Variants in TIAM2 observed in about 807,000 individuals in gnomAD.
TIAM2 encodes the protein rho guanine nucleotide exchange factor TIAM2.
A neutral mutation model predicts 152.9 loss-of-function variants in TIAM2; 80 were observed. The observed-to-expected ratio is 0.52, with a 90% CI of 0.44 to 0.63. The LOEUF (loss-of-function observed/expected upper bound fraction) is 0.63. TIAM2 is among the 30% of genes least tolerant of loss of function. TIAM2 has a pLI of 0.00. For synonymous variants in TIAM2, 804 were observed against 838.0 expected, an observed-to-expected ratio of 0.96 and a Z score of 0.70; for missense variants, 1,965 against 2,120.1, an observed-to-expected ratio of 0.93 and a Z score of 1.44.
At chr6:155,032,775 A>G (rs745906927) in intron 1 of TIAM2, among the ~76,000 whole-genome samples, 4 of 152,164 alleles carry the variant, frequency 2.6e-5, no homozygotes, top group Admixed American at 6.6e-5. Context: ...TCCTGACCTC[A>G]GGTGATCCGC....
chr6:155,080,674 C>T (rs2114966028), intron 1 of TIAM2, among the ~76,000 whole-genome samples: 1 of 152,198 alleles, frequency 6.6e-6, no homozygotes, highest in South Asian at 2.1e-4. Context: ...ACCTCATGAT[C>T]CGCCCACCTC....
chr6:155,135,263 C>T (rs747842948), intron 4 of TIAM2, among the ~76,000 whole-genome samples: 6 of 152,112 alleles, frequency 3.9e-5, no homozygotes, highest in Non-Finnish European at 8.8e-5. Flanking sequence ...TATTCTCTTA[C>T]AAAACAGCAA....
intron 1 of TIAM2, among the ~76,000 whole-genome samples, chr6:155,039,887 A>G (rs1413918479): frequency 1.3e-5 from 2 of 152,226 alleles, no homozygotes; most frequent in African/African-American, 4.8e-5. Context: ...AGAAGACTTG[A>G]CAAGTAGCTA....
Position 155,214,370 on chromosome 6 carries a change from G to A in TIAM2, c.3168+3063G>A, listed in dbSNP as rs1057236912. 8.5e-5 allele frequency among the ~76,000 whole-genome samples: 13 copies of A among 152,246 alleles called. No homozygotes were observed. The highest frequency in any genetic ancestry group is 2.9e-4 in the African/African-American group (12 of 41,458). ...TTTGGGGGTTGGTGACATCCCCTGT[G>A]TGTGAGGGACCAGGTTAGAGCCTGC... On this transcript the variant is annotated intron_variant, in intron 15 of 26. Coordinates refer to ENST00000682666, the MANE Select transcript of TIAM2 (RefSeq NM_012454.4). This position sits in a 1 kb window ranked among gnomAD's most constrained non-coding sequence, Gnocchi z 5.4.
intron 1 of TIAM2, among the ~76,000 whole-genome samples, chr6:155,022,040 C>T (rs1017247215): frequency 8.5e-5 from 13 of 152,200 alleles, no homozygotes; most frequent in Admixed American, 3.9e-4. Flanking sequence ...TCTGCAGCTT[C>T]GTACTTGGTG....
At chr6:155,035,618 G>C (rs1776908962) in intron 1 of TIAM2, among the ~76,000 whole-genome samples, 1 of 152,112 alleles carries the variant, frequency 6.6e-6, no homozygotes, top group South Asian at 2.1e-4. Context: ...GAAACTGTAA[G>C]GTCTAAGCAA....
At chr6:155,198,666 CAAAAAAA>C (rs10626644) in intron 14 of TIAM2, among the ~76,000 whole-genome samples, 4 of 70,318 alleles carry the variant, frequency 5.7e-5, no homozygotes, top group African/African-American at 2.0e-4. Flanking sequence ...GAGCAAATCT[CAAAAAAA>C]AAAAAAAAAA....
Position 155,129,396 on chromosome 6 carries a change from G to T in TIAM2, c.173G>T (p.Arg58Met). 6.2e-7 allele frequency: 1 copy of T among 1,614,106 alleles called. No homozygotes were observed. Among genetic ancestry groups the T allele is most frequent in the Non-Finnish European group, 8.5e-7 (1 of 1,180,010 alleles). The change falls in exon 4 of 27, where the codon AGG (arginine) becomes ATG (methionine). Residue 58 changes from arginine to methionine, a missense_variant. Transcript: ENST00000682666. The surrounding 1 kb of genome is among the most constrained non-coding windows in gnomAD (Gnocchi z 4.8). ...HGSNGAGYKS[R>M]SLARSCLSHF... ...AGCAACGGAGCAGGTTACAAGTCCA[G>T]GTCCCTGGCCCGAAGCTGCCTTTCT...
intron 15 of TIAM2, among the ~76,000 whole-genome samples, chr6:155,226,359 T>A (rs2115254816): frequency 6.6e-6 from 1 of 152,302 alleles, no homozygotes; most frequent in African/African-American, 2.4e-5. Flanking sequence ...GCTCCGCTTT[T>A]AAGTGGAAAC....
chr6:155,243,828 C>T (rs957691590), intron 16 of TIAM2, among the ~76,000 whole-genome samples, 183 bp from the exon 17 acceptor site: 2 of 104,934 alleles, frequency 1.9e-5, no homozygotes, highest in Non-Finnish European at 3.4e-5. Context: ...GCCTGGGTGA[C>T]AGAGCAAGAC....
At chr6:155,237,234 CA>C (rs1782810820) in intron 15 of TIAM2, among the ~76,000 whole-genome samples, 1 of 152,214 alleles carries the variant, frequency 6.6e-6, no homozygotes, top group Non-Finnish European at 1.5e-5. Context: ...CTTAAAGCTC[CA>C]AAATGATCTC....
chr6:155,161,165 C>G (rs922267533), intron 7 of TIAM2, among the ~76,000 whole-genome samples: 2 of 152,144 alleles, frequency 1.3e-5, no homozygotes, highest in Non-Finnish European at 2.9e-5. Context: ...TTATGATTCC[C>G]TGTGTATCCC....
chr6:155,114,036 A>ATATATATATATATATATATTTTTTTTT, intron 2 of TIAM2, among the ~76,000 whole-genome samples: 1 of 34,906 alleles, frequency 2.9e-5, no homozygotes, highest in African/African-American at 1.1e-4. Flanking sequence ...ATATATATAT[A>ATATATATATATATATATATTTTTTTTT]TTTTTTTTTT....
At chr6:155,079,028 T>C (rs750410204) in intron 1 of TIAM2, among the ~76,000 whole-genome samples, 3 of 152,092 alleles carry the variant, frequency 2.0e-5, no homozygotes, top group Non-Finnish European at 4.4e-5. Flanking sequence ...ATAGTTTCTT[T>C]CCCTCATTCT....
intron 1 of TIAM2, among the ~76,000 whole-genome samples, chr6:155,017,671 T>C (rs909779548): frequency 2.6e-5 from 4 of 151,836 alleles, no homozygotes; most frequent in African/African-American, 7.2e-5. Context: ...GCCCGGCTAA[T>C]TTTTTGTATT....
intron 2 of TIAM2, among the ~76,000 whole-genome samples, chr6:155,105,252 C>T (rs565724596): frequency 1.3e-5 from 2 of 152,110 alleles, no homozygotes; most frequent in African/African-American, 2.4e-5. Flanking sequence ...CTCTGCCTCC[C>T]GAGTTCTCCC....
rs745638862 is a variant in TIAM2, at chr6:155,137,560, G to A, written c.1578G>A (p.Lys526=). The A allele has an allele frequency of 1.2e-6, 2 of 1,611,952 alleles. No individual in the cohort carries two copies. The highest frequency in any genetic ancestry group is 1.7e-5 in the Admixed American group (1 of 59,952). Residue 526 remains lysine, a synonymous_variant, in exon 5 of 27, where the codon AAG becomes AAA. Transcript: ENST00000682666. ...KPLVTVQKER[K]LELVARRKWK... is the part of the protein sequence containing the mutation. ...TGGTCACTGTGCAGAAGGAAAGGAA[G>A]CTTGAGCTGGTGGCACGAAGGAAAT...
chr6:155,151,279 T>C (rs1779951752), intron 7 of TIAM2, among the ~76,000 whole-genome samples: 1 of 152,226 alleles, frequency 6.6e-6, no homozygotes, highest in Non-Finnish European at 1.5e-5. Context: ...TCTGGTTATC[T>C]TGAAGGTTGG....
At position 155,245,645 on chromosome 6, in the gene TIAM2, G is replaced by C; in HGVS notation, c.3566G>C (p.Gly1189Ala). The change falls in exon 19 of 27, where the codon GGC becomes GCC. Residue 1189 changes from glycine to alanine, a missense_variant. Physicochemically the swap from Gly to Ala is moderately conservative, Grantham distance 60. Around this residue, in one of 3 missense-constraint regions of TIAM2, gnomAD observed 935 missense variants for 980.0 expected, o/e 0.95. Coordinates refer to ENST00000682666, the MANE Select transcript of TIAM2 (RefSeq NM_012454.4). Reference sequence around the variant, plus strand: ...TAGAAATTACTGTTTTCCCTTGGAGGCTCTTTCCTTTATTACGCGGACCAC... The same window carrying C: ...TAGAAATTACTGTTTTCCCTTGGAGCCTCTTTCCTTTATTACGCGGACCAC... Reference protein sequence around the residue: ...QFRKLLFSLGGSFLYYADHFK... With the variant: ...QFRKLLFSLGASFLYYADHFK... The C allele has an allele frequency of 6.2e-7, 1 of 1,613,854 alleles. No individual in the cohort carries two copies. The highest frequency in any genetic ancestry group is 8.5e-7 in the Non-Finnish European group (1 of 1,179,868).
Sources: allele counts gnomAD v4.1 joint callset (sites outside exome capture counted in the v4.1 genomes callset), GRCh38; gene constraint gnomAD v4.1.1; regional missense constraint gnomAD v4.1.1; non-coding constraint Gnocchi (gnomAD v3.1); transcripts MANE v1.5; gene names NCBI Gene and HGNC (gene_info 2026-07-23, HGNC 2026-07-21).